CFAP77: variants seen among roughly 807,000 people sequenced by gnomAD.
The protein encoded by CFAP77 is cilia and flagella associated protein 77.
In CFAP77, 25 loss-of-function variants were observed where a neutral mutation model predicts 31.1. That is an observed-to-expected ratio of 0.80 (90% confidence interval 0.59 to 1.12). The LOEUF is 1.12. Ranked by LOEUF, CFAP77 falls within the 50% of genes most tolerant of loss-of-function variation. The pLI is 0.00. For missense variants in CFAP77, 377 were observed against 397.3 expected (o/e 0.95, Z 0.44); for synonymous variants, 151 against 159.9 (o/e 0.94, Z 0.42).
intron 1 of CFAP77, among the ~76,000 whole-genome samples, chr9:132,467,181 A>C (rs983060487): frequency 1.3e-5 from 2 of 152,196 alleles, no homozygotes; most frequent in African/African-American, 4.8e-5. Context: ...CCATCTCAAT[A>C]AATAAATAAA....
chr9:132,447,918 ATTAT>A (rs922226370), intron 1 of CFAP77, among the ~76,000 whole-genome samples: 1 of 152,146 alleles, frequency 6.6e-6, no homozygotes, highest in Non-Finnish European at 1.5e-5. Flanking sequence ...AGGCAGTGAG[ATTAT>A]TTGTTTTACA....
chr9:132,483,618 A>C (rs1048834669), intron 1 of CFAP77, among the ~76,000 whole-genome samples: 4 of 151,984 alleles, frequency 2.6e-5, no homozygotes, highest in African/African-American at 9.7e-5. Context: ...AATGGGATGC[A>C]TCCAGTTTCA....
intron 3 of CFAP77, 56 bp from the exon 4 acceptor site, chr9:132,537,545 C>A: frequency 7.4e-7 from 1 of 1,342,356 alleles, no homozygotes; most frequent in African/African-American, 1.4e-5. Context: ...CGGTGGGGAG[C>A]GGGTGCCTCT....
At chr9:132,536,100 T>A (rs749556995) in intron 3 of CFAP77, among the ~76,000 whole-genome samples, 1 of 152,106 alleles carries the variant, frequency 6.6e-6, no homozygotes, top group South Asian at 2.1e-4. Flanking sequence ...ATATCTATCT[T>A]ATATATATGG....
intron 1 of CFAP77, among the ~76,000 whole-genome samples, chr9:132,415,402 G>A (rs953557842): frequency 2.0e-5 from 3 of 152,146 alleles, no homozygotes; most frequent in South Asian, 2.1e-4. Context: ...TCAGAAAGCC[G>A]AGCTGCCCCC....
intron 3 of CFAP77, among the ~76,000 whole-genome samples, chr9:132,530,946 A>G (rs1852433907): frequency 6.6e-6 from 1 of 152,130 alleles, no homozygotes; most frequent in Non-Finnish European, 1.5e-5. Context: ...TAATTCTTGT[A>G]TCAGGTGTGA....
chr9:132,420,083 G>A (rs951225309), intron 1 of CFAP77, among the ~76,000 whole-genome samples: 1 of 151,718 alleles, frequency 6.6e-6, no homozygotes, highest in African/African-American at 2.4e-5. Flanking sequence ...ATCTCCTGAG[G>A]CCAGGAGGTT....
At chr9:132,503,877 C>T (rs890331486) in intron 3 of CFAP77, among the ~76,000 whole-genome samples, 3 of 152,200 alleles carry the variant, frequency 2.0e-5, no homozygotes, top group African/African-American at 4.8e-5. Context: ...GGTGAAACCT[C>T]GTCTCCACTA....
intron 1 of CFAP77, among the ~76,000 whole-genome samples, chr9:132,438,816 T>C (rs1850560357): frequency 6.6e-6 from 1 of 151,692 alleles, no homozygotes; most frequent in Admixed American, 6.6e-5. Context: ...GTTACAGGTG[T>C]GAGCCACCGC....
In CFAP77 at chr9:132,498,979, C is replaced by A. The variant is rs1024614264; in HGVS notation, c.295+185C>A. ...AGTGGCCCAGATGGGGAGGGCCAAG[C>A]AGGGCCCTGGTGTGCGGTGTCAGGG... On this transcript the variant is annotated intron_variant, in intron 2 of 5. Coordinates refer to ENST00000393216, the MANE Select transcript of CFAP77 (RefSeq NM_001282957.2). This position sits in a 1 kb window ranked among gnomAD's most constrained non-coding sequence, Gnocchi z 4.2. Among the ~76,000 whole-genome samples, 1 of 152,202 alleles carries A rather than the reference C, an allele frequency of 6.6e-6. No homozygotes were observed. The highest frequency in any genetic ancestry group is 1.5e-5 in the Non-Finnish European group (1 of 68,026).
chr9:132,434,332 G>A (rs1288956561), intron 1 of CFAP77, among the ~76,000 whole-genome samples: 1 of 151,878 alleles, frequency 6.6e-6, no homozygotes, highest in Admixed American at 6.6e-5. Context: ...GTCCTTGTGG[G>A]TTCCTTGTGG....
At chr9:132,538,239 G>A (rs573368271) in intron 4 of CFAP77, among the ~76,000 whole-genome samples, 2 of 152,288 alleles carry the variant, frequency 1.3e-5, no homozygotes, top group East Asian at 1.9e-4. Flanking sequence ...CGTGCATGAC[G>A]TGCATCCTCT....
intron 5 of CFAP77, among the ~76,000 whole-genome samples, chr9:132,567,039 AC>A (rs1324526209): frequency 2.6e-5 from 4 of 152,172 alleles, no homozygotes; most frequent in Non-Finnish European, 5.9e-5. Context: ...CCACGAGCAG[AC>A]CCTGCTTCAT....
chr9:132,560,071 G>A (rs917780443), intron 5 of CFAP77, among the ~76,000 whole-genome samples: 1 of 152,184 alleles, frequency 6.6e-6, no homozygotes, highest in Non-Finnish European at 1.5e-5. Context: ...TTCTTTTGGG[G>A]GTGATGAAAT....
chr9:132,439,787 T>C (rs188678873), intron 1 of CFAP77, among the ~76,000 whole-genome samples: 1 of 147,900 alleles, frequency 6.8e-6, no homozygotes, highest in African/African-American at 2.5e-5. Flanking sequence ...AGGCGGAGCT[T>C]GTAGTGAGCC....
chr9:132,570,956 C>T (rs951852537), intron 5 of CFAP77, among the ~76,000 whole-genome samples: 3 of 152,110 alleles, frequency 2.0e-5, no homozygotes, highest in Non-Finnish European at 2.9e-5. Context: ...AAACACAGTC[C>T]GAGGGGGATT....
chr9:132,494,932 A>G (rs1851717112), intron 1 of CFAP77, among the ~76,000 whole-genome samples: 1 of 152,172 alleles, frequency 6.6e-6, no homozygotes, highest in African/African-American at 2.4e-5. Flanking sequence ...CTACTTTATT[A>G]TGGATATCTT....
chr9:132,421,987 GA>G (rs1850223849), intron 1 of CFAP77, among the ~76,000 whole-genome samples: 1 of 151,692 alleles, frequency 6.6e-6, no homozygotes, highest in African/African-American at 2.4e-5. Context: ...CACCTCAGTG[GA>G]TAAGACAGCC....
At chr9:132,457,035 A>G (rs113960592) in intron 1 of CFAP77, among the ~76,000 whole-genome samples, 6,452 of 152,248 alleles carry the variant, frequency 0.042, 471 homozygotes, top group African/African-American at 0.15. Flanking sequence ...ACCTGGCCCC[A>G]GGCAGATCTT....
Sources: gnomAD v4.1 joint callset for allele counts (sites outside exome capture counted in the v4.1 genomes callset) on GRCh38, gnomAD v4.1.1 for gene constraint, Gnocchi (gnomAD v3.1) non-coding constraint, MANE v1.5 for transcripts, NCBI Gene and HGNC (gene_info 2026-07-23, HGNC 2026-07-21) for gene names.